The following ASTN2 variants were observed in gnomAD, a reference collection of about 807,000 sequenced individuals.
ASTN2 encodes the protein astrotactin-2.
Under a neutral mutation model 139.8 loss-of-function variants are expected in ASTN2, and 54 were observed. The observed-to-expected ratio is 0.39, with a 90% confidence interval of 0.31 to 0.48. ASTN2 has a LOEUF of 0.48. ASTN2 is among the 20% of genes least tolerant of loss of function. The probability of loss-of-function intolerance (pLI) is 0.95; values close to 1 mark genes in which losing one functional copy is unlikely to be tolerated. For missense variants in ASTN2, 1,565 were observed against 1,725.1 expected, an observed-to-expected ratio of 0.91 and a Z score of 1.64; for synonymous variants, 756 against 719.5, an observed-to-expected ratio of 1.05 and a Z score of -0.81.
At chr9:116,866,646 C>T (rs1189467602) in intron 10 of ASTN2, among the ~76,000 whole-genome samples, 1 of 151,990 alleles carries the variant, frequency 6.6e-6, no homozygotes, top group Non-Finnish European at 1.5e-5. Context: ...GTGGCTCACA[C>T]CTGTAATCCC....
chr9:116,956,910 A>T (rs1441953514), intron 10 of ASTN2, among the ~76,000 whole-genome samples: 1 of 152,210 alleles, frequency 6.6e-6, no homozygotes, highest in Non-Finnish European at 1.5e-5. Context: ...AAGAACTACA[A>T]AACAATGTTG....
rs1306397698 is a variant in ASTN2 at position 117,120,018 on chromosome 9, G to GTGTGTGTATATA, written c.1168+21307_1168+21308insTATATACACACA. ...TGTGTGTGTGTGTGTGTGTGTGTGT[G>GTGTGTGTATATA]TATATATATATATATATATATATAT... On this transcript the variant is annotated intron_variant, in intron 4 of 22. Coordinates refer to ENST00000313400, the MANE Select transcript of ASTN2 (RefSeq NM_001365068.1). Among the ~76,000 whole-genome samples the GTGTGTGTATATA allele has an allele frequency of 8.7e-3, 400 of 45,950 alleles. 4 individuals are homozygous for GTGTGTGTATATA. Among genetic ancestry groups the GTGTGTGTATATA allele is most frequent in the Non-Finnish European group, 0.012 (303 of 25,520 alleles). 30.1% of individuals were successfully genotyped at this position (45,950 alleles called of 152,430 possible).
intron 20 of ASTN2, among the ~76,000 whole-genome samples, chr9:116,482,242 C>T (rs1462303195): frequency 2.0e-5 from 3 of 152,100 alleles, no homozygotes; most frequent in East Asian, 3.9e-4. Context: ...AGGAGAATGG[C>T]GTGAACCCGG....
intron 10 of ASTN2, among the ~76,000 whole-genome samples, chr9:116,921,010 C>T (rs188686472): frequency 3.3e-5 from 5 of 152,224 alleles, no homozygotes; most frequent in Non-Finnish European, 5.9e-5. Flanking sequence ...ACTAGCTCAC[C>T]GTTCTACAGG....
At chr9:117,289,895 T>C (rs538717176) in intron 2 of ASTN2, among the ~76,000 whole-genome samples, 1 of 152,312 alleles carries the variant, frequency 6.6e-6, no homozygotes, top group Admixed American at 6.5e-5. Context: ...AAAATTAACA[T>C]TGCTGTCTGG....
intron 19 of ASTN2, among the ~76,000 whole-genome samples, chr9:116,570,565 T>C (rs1444751354): frequency 1.3e-5 from 2 of 152,120 alleles, no homozygotes; most frequent in African/African-American, 2.4e-5. Flanking sequence ...CCGGCTAATT[T>C]TTTTTGTATT....
chr9:116,851,490 CTATCTATCTA>C (rs1832602923), intron 11 of ASTN2, among the ~76,000 whole-genome samples: 1 of 151,246 alleles, frequency 6.6e-6, no homozygotes, highest in Non-Finnish European at 1.5e-5. Flanking sequence ...ATCTATCTAT[CTATCTATCTA>C]TCTATCTATC....
chr9:117,025,792 T>C (rs1444417110), intron 6 of ASTN2, among the ~76,000 whole-genome samples: 2 of 143,274 alleles, frequency 1.4e-5, no homozygotes, highest in Non-Finnish European at 2.9e-5. Flanking sequence ...TTTTTTCTTT[T>C]CTTTTCTTTT....
intron 1 of ASTN2, among the ~76,000 whole-genome samples, chr9:117,329,180 CT>C (rs749880987): frequency 0.13 from 10,814 of 82,672 alleles, 227 homozygotes; most frequent in South Asian, 0.17. Flanking sequence ...CTTCCAAGTT[CT>C]TTTTTTTTTT....
At chr9:116,783,506 A>G (rs114061952) in intron 13 of ASTN2, among the ~76,000 whole-genome samples, 1 of 152,164 alleles carries the variant, frequency 6.6e-6, no homozygotes, top group Non-Finnish European at 1.5e-5. Flanking sequence ...TGTAGTGAGC[A>G]TCTACTATGC....
intron 3 of ASTN2, among the ~76,000 whole-genome samples, chr9:117,157,359 C>A (rs569923719): frequency 2.6e-5 from 4 of 152,116 alleles, no homozygotes; most frequent in Non-Finnish European, 4.4e-5. Context: ...AGCCAATCAT[C>A]CAGGTGGCAT....
At chr9:116,954,575 T>C (rs757782158) in intron 10 of ASTN2, among the ~76,000 whole-genome samples, 1 of 152,224 alleles carries the variant, frequency 6.6e-6, no homozygotes, top group South Asian at 2.1e-4. Flanking sequence ...TTGTTGCAAC[T>C]ACTTAGCTTT....
rs191807188 is a variant in ASTN2, at chr9:117,116,793, T to C, written c.1169-20642A>G. Among the ~76,000 whole-genome samples the C allele has an allele frequency of 7.2e-3, 912 of 126,812 alleles. 22 individuals carry two copies. The highest frequency in any genetic ancestry group is 0.054 in the East Asian group (231 of 4,276). 83.2% of individuals were successfully genotyped at this position (126,812 alleles called of 152,430 possible). ...TAAAAAGTCTCTCTGTGTGAGTGTG[T>C]GTGTGTGTTGATGGGGTTTTGAGGC... On this transcript the variant is annotated intron_variant, in intron 4 of 22. Transcript: ENST00000313400.
At chr9:116,440,523 A>C in intron 22 of ASTN2, 86 bp downstream of exon 22, 3 of 1,271,322 alleles carry the variant, frequency 2.4e-6, no homozygotes, top group Non-Finnish European at 3.3e-6. Flanking sequence ...GATAAAGCCT[A>C]GTCTCAGCCT....
intron 17 of ASTN2, among the ~76,000 whole-genome samples, chr9:116,626,154 GTTTTTTTTTTTTTTTTTT>G (rs751026997): frequency 5.8e-5 from 2 of 34,414 alleles, no homozygotes; most frequent in South Asian, 1.9e-3. Flanking sequence ...TAGTTTTTGT[GTTTTTTTTTTTTTTTTTT>G]TTTTTTTTTT....
At position 116,699,695 on chromosome 9, in the gene ASTN2, C is replaced by T; in HGVS notation, c.2806+26076G>A. ...ACAGCTACCATCTGAGAAGATATTCCACCCCATAGGGGATGAGAAATTATC... is the reference window on the plus strand; with the variant it reads ...ACAGCTACCATCTGAGAAGATATTCTACCCCATAGGGGATGAGAAATTATC... On this transcript the variant is annotated intron_variant, in intron 16 of 22. Transcript: ENST00000313400. This position sits in a 1 kb window ranked among gnomAD's most constrained non-coding sequence, Gnocchi z 4.2. 6 of 1,614,200 alleles carry T rather than the reference C, an allele frequency of 3.7e-6. No individual in the cohort carries two copies. Among genetic ancestry groups the T allele is most frequent in the Non-Finnish European group, 5.1e-6 (6 of 1,180,038 alleles).
chr9:116,575,877 A>G (rs1853703832), intron 19 of ASTN2, among the ~76,000 whole-genome samples: 1 of 152,152 alleles, frequency 6.6e-6, no homozygotes, highest in Non-Finnish European at 1.5e-5. Flanking sequence ...TTATCCAGCT[A>G]AAGGGCAACT....
intron 7 of ASTN2, among the ~76,000 whole-genome samples, chr9:116,986,460 G>A (rs1399637407): frequency 1.3e-5 from 2 of 152,210 alleles, no homozygotes; most frequent in African/African-American, 4.8e-5. Context: ...TGCACAAGGT[G>A]TGATTCAGGC....
intron 10 of ASTN2, among the ~76,000 whole-genome samples, chr9:116,869,122 T>C (rs113336423): frequency 6.6e-6 from 1 of 151,730 alleles, no homozygotes. Flanking sequence ...GAGGCAGAGG[T>C]TGTAGTGAGC....
Sources: gnomAD v4.1 joint callset for allele counts (sites outside exome capture counted in the v4.1 genomes callset) on GRCh38, gnomAD v4.1.1 for gene constraint, Gnocchi (gnomAD v3.1) non-coding constraint, MANE v1.5 for transcripts, NCBI Gene and HGNC (gene_info 2026-07-23, HGNC 2026-07-21) for gene names.